The following CLASP1 variants were observed in gnomAD, a reference collection of about 807,000 sequenced individuals.
The protein encoded by CLASP1 is cytoplasmic linker associated protein 1.
In CLASP1, 38 loss-of-function variants were observed where a neutral mutation model predicts 192.3. That is an observed-to-expected ratio of 0.20 (90% CI 0.15 to 0.26). The LOEUF is 0.26. CLASP1 is among the 10% of genes least tolerant of loss of function. The pLI is 1.00. For synonymous variants in CLASP1, 691 were observed against 712.8 expected (o/e 0.97, Z 0.49); for missense variants, 1,433 against 1,932.5 (o/e 0.74, Z 4.85).
intron 2 of CLASP1, among the ~76,000 whole-genome samples, chr2:121,592,963 A>G (rs2062598982): frequency 6.6e-6 from 1 of 152,220 alleles, no homozygotes; most frequent in Non-Finnish European, 1.5e-5. Context: ...TGTTTTAAGT[A>G]AAAATCATCA....
At chr2:121,400,613 GA>G (rs1437594919) in intron 28 of CLASP1, among the ~76,000 whole-genome samples, 2 of 152,182 alleles carry the variant, frequency 1.3e-5, no homozygotes, top group Admixed American at 6.5e-5. Context: ...AGAAATCCTG[GA>G]TTTGCGTTCC....
At position 121,431,730 on chromosome 2, in the gene CLASP1, G is replaced by A. The variant is rs144487199; in HGVS notation, c.1913-1553C>T. Among the ~76,000 whole-genome samples the A allele has an allele frequency of 2.1e-3, 313 of 148,830 alleles. 1 individual carries two copies. Among genetic ancestry groups the A allele is most frequent in the African/African-American group, 7.3e-3 (294 of 40,438 alleles). ...TTGGTAACATGATCCTAAACCCAGTGTTCAGCATTCCCTTGGTTTTTTTTT... is the reference window on the plus strand; with the variant it reads ...TTGGTAACATGATCCTAAACCCAGTATTCAGCATTCCCTTGGTTTTTTTTT... On this transcript the variant is annotated intron_variant, in intron 19 of 39. Transcript: ENST00000263710.
exon 33 of CLASP1, chr2:121,382,282 T>C (rs1243171660): frequency 6.2e-7 from 1 of 1,600,474 alleles, no homozygotes; most frequent in East Asian, 2.3e-5. Context: ...AAAAGGGAGG[T>C]GGGTGCTTCG....
chr2:121,508,459 G>A (rs2094010196), intron 7 of CLASP1, among the ~76,000 whole-genome samples: 2 of 152,104 alleles, frequency 1.3e-5, no homozygotes, highest in Non-Finnish European at 2.9e-5. Context: ...AACAAGTCAT[G>A]ACATATAGAA....
At position 121,447,077 on chromosome 2, in the gene CLASP1, G is replaced by A. The variant is rs963721468; in HGVS notation, c.1912+260C>T. Among the ~76,000 whole-genome samples, 4 of 152,134 alleles carry A rather than the reference G, an allele frequency of 2.6e-5. No homozygotes were observed. The East Asian group carries it at 5.8e-4, about 22-fold the overall frequency. Reference sequence around the variant, plus strand: ...GAAGAGGAAGAGTTGAGGAAAGGACGTGCTCAGTGCCACACACCCTCCGAG... The same window carrying A: ...GAAGAGGAAGAGTTGAGGAAAGGACATGCTCAGTGCCACACACCCTCCGAG... On this transcript the variant is annotated intron_variant, in intron 19 of 39. Transcript: ENST00000263710.
intron 2 of CLASP1, among the ~76,000 whole-genome samples, chr2:121,561,575 A>G (rs1171412180): frequency 6.6e-6 from 1 of 152,174 alleles, no homozygotes; most frequent in East Asian, 1.9e-4. Context: ...AAATACACTA[A>G]CACTAATGAC....
intron 5 of CLASP1, among the ~76,000 whole-genome samples, chr2:121,526,485 A>C (rs1406698021): frequency 1.3e-5 from 2 of 152,222 alleles, no homozygotes; most frequent in Non-Finnish European, 2.9e-5. Flanking sequence ...GTGAATAAAA[A>C]TCTCTTGGTT....
At chr2:121,447,726 C>A (rs1322612025) in intron 18 of CLASP1, among the ~76,000 whole-genome samples, 1 of 152,200 alleles carries the variant, frequency 6.6e-6, no homozygotes, top group African/African-American at 2.4e-5. Flanking sequence ...GTATCAATTA[C>A]ATTTGTTTTC....
chr2:121,414,997 C>G (rs1471058062), intron 23 of CLASP1, among the ~76,000 whole-genome samples: 1 of 152,034 alleles, frequency 6.6e-6, no homozygotes, highest in Non-Finnish European at 1.5e-5. Context: ...CCTGGCTGGT[C>G]TCAAACTTCT....
chr2:121,615,117 A>T (rs530014071), intron 1 of CLASP1, among the ~76,000 whole-genome samples: 26 of 152,264 alleles, frequency 1.7e-4, no homozygotes, highest in African/African-American at 5.8e-4. Flanking sequence ...AAGTGGGCAG[A>T]TCACCTGAGG....
At chr2:121,547,778 C>G (rs564679200) in intron 2 of CLASP1, among the ~76,000 whole-genome samples, 1 of 152,074 alleles carries the variant, frequency 6.6e-6, no homozygotes, top group South Asian at 2.1e-4. Context: ...AGTATGCCTA[C>G]GTGCCACATA....
intron 6 of CLASP1, among the ~76,000 whole-genome samples, chr2:121,520,756 T>C (rs1028054577): frequency 1.3e-5 from 2 of 152,172 alleles, no homozygotes; most frequent in Non-Finnish European, 2.9e-5. Context: ...GGAATTCTTA[T>C]TGTTAGGATG....
intron 30 of CLASP1, among the ~76,000 whole-genome samples, chr2:121,393,868 G>T (rs2074803197): frequency 7.0e-6 from 1 of 143,186 alleles, no homozygotes; most frequent in Admixed American, 6.9e-5. Flanking sequence ...TATCTTGGAT[G>T]ATTAAAAAAA....
At chr2:121,474,719 G>C (rs368689618) in intron 8 of CLASP1, among the ~76,000 whole-genome samples, 1 of 152,282 alleles carries the variant, frequency 6.6e-6, no homozygotes, top group African/African-American at 2.4e-5. Context: ...GTGGGTGACA[G>C]AGCGAGACTC....
chr2:121,416,423 T>C (rs1202988717), intron 23 of CLASP1, among the ~76,000 whole-genome samples: 5 of 152,242 alleles, frequency 3.3e-5, no homozygotes, highest in African/African-American at 1.2e-4. Context: ...TTTGTTGTTG[T>C]TGTTGTTAAA....
exon 5 of CLASP1, chr2:121,527,856 T>C: frequency 1.9e-6 from 3 of 1,613,968 alleles, no homozygotes; most frequent in Non-Finnish European, 2.5e-6. Context: ...GAAATTCTTG[T>C]GTTTGAAGCC....
At chr2:121,349,097 G>A (rs984409647) in intron 37 of CLASP1, among the ~76,000 whole-genome samples, 11 of 152,046 alleles carry the variant, frequency 7.2e-5, no homozygotes, top group Non-Finnish European at 1.3e-4. Context: ...AAAATTAGCC[G>A]GACGTGTTGG....
At chr2:121,340,607 A>G in exon 40 of CLASP1, 1 of 439,094 alleles carries the variant, frequency 2.3e-6, no homozygotes, top group South Asian at 4.2e-5. Flanking sequence ...GCTGTACAAG[A>G]CATGTTTCAG....
At chr2:121,525,171 A>C (rs1485958451) in intron 6 of CLASP1, among the ~76,000 whole-genome samples, 4 of 152,164 alleles carry the variant, frequency 2.6e-5, no homozygotes, top group African/African-American at 4.8e-5. Context: ...GACATAATAA[A>C]AATGACTCTG....
Sources: allele counts gnomAD v4.1 joint callset (sites outside exome capture counted in the v4.1 genomes callset), GRCh38; gene constraint gnomAD v4.1.1; transcripts MANE v1.5; gene names NCBI Gene and HGNC (gene_info 2026-07-23, HGNC 2026-07-21).